TESK2: variants seen among roughly 807,000 people sequenced by gnomAD.
TESK2 encodes the protein testis associated actin remodelling kinase 2.
In TESK2, 39 loss-of-function variants were observed where a neutral mutation model predicts 57.1. The observed-to-expected ratio is 0.68, with a 90% CI of 0.53 to 0.89. The LOEUF (loss-of-function observed/expected upper bound fraction) is 0.89, where lower values mean the gene tolerates loss of function less well. Ranked by LOEUF, TESK2 falls within the 40% of genes least tolerant of loss-of-function variation. TESK2 has a pLI of 0.00. For missense variants in TESK2, 646 were observed against 732.1 expected, an observed-to-expected ratio of 0.88 and a Z score of 1.36; for synonymous variants, 249 against 267.9, an observed-to-expected ratio of 0.93 and a Z score of 0.69.
At position 45,344,454 on chromosome 1, in the gene TESK2, G is replaced by T; in HGVS notation, c.*386C>A. 4.7e-6 allele frequency: 1 copy of T among 213,710 alleles called. No individual in the cohort carries two copies. The highest frequency in any genetic ancestry group is 8.8e-5 in the South Asian group (1 of 11,408). 13.2% of individuals were successfully genotyped at this position (213,710 alleles called of 1,614,324 possible). A position where few individuals can be genotyped will look rare whatever the true frequency, so the allele number is the denominator to read the frequency against. On this transcript the variant is annotated 3_prime_UTR_variant, in exon 11 of 11. Transcript: ENST00000372086. ...CTTGATCAGCTCCATGTTCCACTCAGTAGCTTATATGCCCCAAGAAAAGGC... is the reference window on the plus strand; with the variant it reads ...CTTGATCAGCTCCATGTTCCACTCATTAGCTTATATGCCCCAAGAAAAGGC...
chr1:45,464,011 C>T (rs1009427560), intron 1 of TESK2, among the ~76,000 whole-genome samples: 3 of 152,092 alleles, frequency 2.0e-5, no homozygotes, highest in African/African-American at 7.2e-5. Context: ...AGGCTTTTGG[C>T]TGTTCTAGGT....
intron 3 of TESK2, among the ~76,000 whole-genome samples, chr1:45,392,390 C>A (rs143084126): frequency 6.6e-6 from 1 of 152,120 alleles, no homozygotes; most frequent in African/African-American, 2.4e-5. Flanking sequence ...CAGGCATAAG[C>A]CACCGTGCTT....
intron 3 of TESK2, among the ~76,000 whole-genome samples, chr1:45,413,622 C>T (rs1004640555): frequency 2.0e-5 from 3 of 150,750 alleles, no homozygotes; most frequent in Non-Finnish European, 4.4e-5. Flanking sequence ...CTCTCTCTTT[C>T]TTTTAAGCAA....
rs1301162788 is a variant in TESK2, at chr1:45,345,221, C to T, written c.1335G>A (p.Glu445=). 9 of 1,614,194 alleles carry T rather than the reference C, an allele frequency of 5.6e-6. No homozygotes were observed. The highest frequency in any genetic ancestry group is 7.6e-6 in the Non-Finnish European group (9 of 1,180,032). ...ACCGGCGAATAGGTGGGGCCAGGGG[C>T]TCCTGCCAGTCAGCCAGGGGCATAG... ...PGTMPLADWQ[E]PLAPPIRRWR... Residue 445 remains glutamate (E), a synonymous_variant, in exon 11 of 11, where the codon GAG becomes GAA. Transcript: ENST00000372086.
chr1:45,390,608 C>A (rs1450072950), intron 3 of TESK2, among the ~76,000 whole-genome samples: 1 of 148,930 alleles, frequency 6.7e-6, no homozygotes. Context: ...AAGAGTCTTA[C>A]TTTGTTGCCC....
rs78474232 is a variant in TESK2 at position 45,472,816 on chromosome 1, G to A, written c.-86-14945C>T. Among the ~76,000 whole-genome samples, 436 of 152,056 alleles carry A rather than the reference G, an allele frequency of 2.9e-3. 4 individuals are homozygous for A. Among genetic ancestry groups the A allele is most frequent in the East Asian group, 0.018 (94 of 5,162 alleles). ...AGACACCATACTGGAGCTTAGGAGA[G>A]AGGACTAGACTGAAGATGTACACTT... On this transcript the variant is annotated intron_variant, in intron 1 of 10. Coordinates refer to ENST00000372086, the MANE Select transcript of TESK2 (RefSeq NM_007170.3).
chr1:45,421,262 AT>A (rs1650464056), intron 3 of TESK2, among the ~76,000 whole-genome samples: 1 of 152,192 alleles, frequency 6.6e-6, no homozygotes, highest in Non-Finnish European at 1.5e-5. Flanking sequence ...TCTCAAAAAA[AT>A]AACAATTCTC....
intron 4 of TESK2, among the ~76,000 whole-genome samples, chr1:45,383,639 G>C (rs11211101): frequency 0.27 from 40,666 of 152,084 alleles, 5,744 homozygotes; most frequent in Admixed American, 0.4. Context: ...TTTAAAGGAT[G>C]TTCTTCTCTG....
At chr1:45,349,495 AG>A (rs569302247) in intron 5 of TESK2, among the ~76,000 whole-genome samples, 13 of 152,340 alleles carry the variant, frequency 8.5e-5, no homozygotes, top group African/African-American at 3.1e-4. Flanking sequence ...AGGCAGTGGC[AG>A]CTCAGATATG....
At chr1:45,418,201 G>C (rs906145837) in intron 3 of TESK2, among the ~76,000 whole-genome samples, 1 of 152,082 alleles carries the variant, frequency 6.6e-6, no homozygotes, top group South Asian at 2.1e-4. Context: ...TATCACTTCT[G>C]TAATAATAAA....
intron 1 of TESK2, among the ~76,000 whole-genome samples, chr1:45,486,782 T>TACACACAC (rs71052887): frequency 0.025 from 2,884 of 115,818 alleles, 112 homozygotes; most frequent in East Asian, 0.071. Context: ...CCTCCCAGCA[T>TACACACAC]ACACACACAC....
rs901312243 is a variant in TESK2, at chr1:45,421,612, T to C, written c.344+113A>G. ...AGAGTACCACTAAACCCCAGCAAGATAGATTCAGCATGATAAATCCTGAAT... is the reference window on the plus strand; with the variant it reads ...AGAGTACCACTAAACCCCAGCAAGACAGATTCAGCATGATAAATCCTGAAT... On this transcript the variant is annotated intron_variant, in intron 3 of 10. Coordinates refer to ENST00000372086, the MANE Select transcript of TESK2 (RefSeq NM_007170.3). 16 of 1,438,870 alleles carry C rather than the reference T, an allele frequency of 1.1e-5. No homozygotes were observed. The African/African-American group carries it at 1.4e-4, about 13-fold the overall frequency. 89.1% of individuals were successfully genotyped at this position (1,438,870 alleles called of 1,614,324 possible). A position where few individuals can be genotyped will look rare whatever the true frequency, so the allele number is the denominator to read the frequency against.
At chr1:45,457,506 A>G in intron 2 of TESK2, 58 bp downstream of exon 2, 1 of 1,491,928 alleles carries the variant, frequency 6.7e-7, no homozygotes, top group Non-Finnish European at 9.3e-7. Context: ...ACAACTATCA[A>G]CCTGCAGTAA....
intron 2 of TESK2, among the ~76,000 whole-genome samples, chr1:45,448,851 A>G (rs1395402747): frequency 6.6e-6 from 1 of 152,330 alleles, no homozygotes; most frequent in African/African-American, 2.4e-5. Context: ...ACCACTTAGA[A>G]TGGCCAAAAT....
intron 2 of TESK2, among the ~76,000 whole-genome samples, chr1:45,427,107 G>T (rs959286863): frequency 1.3e-5 from 2 of 152,000 alleles, no homozygotes; most frequent in Non-Finnish European, 2.9e-5. Context: ...GCTGGGCATG[G>T]TAGTGCACGT....
At chr1:45,427,774 G>T (rs1457989642) in intron 2 of TESK2, among the ~76,000 whole-genome samples, 3 of 152,130 alleles carry the variant, frequency 2.0e-5, no homozygotes, top group South Asian at 4.2e-4. Flanking sequence ...AGGGTAGTGT[G>T]GGGTGTGGGG....
At position 45,415,405 on chromosome 1, in the gene TESK2, A is replaced by C. The variant is rs2149284824; in HGVS notation, c.344+6320T>G. 7.8e-6 allele frequency: 6 copies of C among 770,840 alleles called. No individual in the cohort carries two copies. In the East Asian group the frequency reaches 1.3e-4, roughly 16 times the overall value. The allele number at this position is 770,840 out of a possible 1,614,324, so 47.8% of individuals were successfully genotyped here. A position where few individuals can be genotyped will look rare whatever the true frequency, so the allele number is the denominator to read the frequency against. ...CATTCCTTCTGTGGCTCAGGAGAGC[A>C]CTCCTCCACCCCATTTGCTCGCAAT... is the stretch of plus-strand genomic sequence containing the variant. On this transcript the variant is annotated intron_variant, in intron 3 of 10. Coordinates refer to ENST00000372086, the MANE Select transcript of TESK2 (RefSeq NM_007170.3).
intron 1 of TESK2, among the ~76,000 whole-genome samples, chr1:45,488,092 T>G (rs1015740095): frequency 5.9e-5 from 9 of 152,088 alleles, no homozygotes; most frequent in Non-Finnish European, 2.9e-5. Flanking sequence ...TTTTTAATTT[T>G]CTGTAGAGAC....
intron 1 of TESK2, among the ~76,000 whole-genome samples, chr1:45,477,277 T>A (rs1390042979): frequency 6.6e-6 from 1 of 151,598 alleles, no homozygotes; most frequent in Non-Finnish European, 1.5e-5. Flanking sequence ...AAAGATATAG[T>A]CATTAAACTG....
Sources: allele counts gnomAD v4.1 joint callset (sites outside exome capture counted in the v4.1 genomes callset), GRCh38; gene constraint gnomAD v4.1.1; transcripts MANE v1.5; gene names NCBI Gene and HGNC (gene_info 2026-07-23, HGNC 2026-07-21).